The following COPG2 variants were observed in gnomAD, a reference collection of about 807,000 sequenced individuals.
The protein encoded by COPG2 is coat protein complex I subunit gamma 2, also known as coatomer subunit gamma-2.
In COPG2, 37 loss-of-function variants were observed where a neutral mutation model predicts 46.3. The observed-to-expected ratio is 0.80, with a 90% CI of 0.61 to 1.05. The LOEUF (loss-of-function observed/expected upper bound fraction) is 1.05, where lower values mean the gene tolerates loss of function less well. Among genes scored for constraint, COPG2 ranks in the 50% least tolerant of loss-of-function variants. The probability of loss-of-function intolerance (pLI) is 0.00; values close to 1 mark genes in which losing one functional copy is unlikely to be tolerated. For missense variants in COPG2, 427 were observed against 387.8 expected (o/e 1.10, Z -0.85); for synonymous variants, 159 against 129.7 (o/e 1.23, Z -1.53).
At chr7:130,531,808 G>A (rs1799828701) in intron 20 of COPG2, among the ~76,000 whole-genome samples, 1 of 135,196 alleles carries the variant, frequency 7.4e-6, no homozygotes, top group African/African-American at 2.8e-5. Context: ...AGTCAAGGTG[G>A]CCGTCCACAG....
At chr7:130,530,774 T>A (rs1201669800) in intron 20 of COPG2, among the ~76,000 whole-genome samples, 1 of 150,738 alleles carries the variant, frequency 6.6e-6, no homozygotes, top group African/African-American at 2.4e-5. Flanking sequence ...ACAGACAGGG[T>A]GGAGGGGCCC....
At chr7:130,508,072 C>T (rs1252801534) in intron 21 of COPG2, 1 of 420,294 alleles carries the variant, frequency 2.4e-6, no homozygotes, top group Non-Finnish European at 4.2e-6. Context: ...TGCACCCACA[C>T]TTGACCACTG....
At chr7:130,539,005 GTGCTGA>G (rs2116368334) in intron 20 of COPG2, among the ~76,000 whole-genome samples, 1 of 152,272 alleles carries the variant, frequency 6.6e-6, no homozygotes, top group East Asian at 1.9e-4. Flanking sequence ...GAAGGTTTGG[GTGCTGA>G]TACGGGGGCT....
At position 130,537,748 on chromosome 7, in the gene COPG2, G is replaced by A. The variant is rs999824147; in HGVS notation, c.2149+9926C>T. 1.3e-4 allele frequency among the ~76,000 whole-genome samples: 20 copies of A among 152,350 alleles called. No homozygotes were observed. The East Asian group carries it at 2.1e-3, about 16-fold the overall frequency. On this transcript the variant is annotated intron_variant, in intron 20 of 23. Transcript: ENST00000425248. ...CAAGAGCAAGAGTGTGGGTGTGAAC[G>A]TAGAGAATCCTCCTTTTTGCCCAAA...
chr7:130,513,836 C>G (rs531153399), intron 20 of COPG2, among the ~76,000 whole-genome samples: 11 of 152,230 alleles, frequency 7.2e-5, no homozygotes, highest in Admixed American at 2.6e-4. Context: ...AGTTGTTCTA[C>G]TAGGGTCAAC....
chr7:130,513,290 T>TTAAAAA (rs1331715291), intron 20 of COPG2, among the ~76,000 whole-genome samples: 1 of 20,292 alleles, frequency 4.9e-5, no homozygotes. Flanking sequence ...TAATTCTGTC[T>TTAAAAA]AAAAAAAAAA....
intron 6 of COPG2, among the ~76,000 whole-genome samples, chr7:130,614,795 T>G (rs1554452630): frequency 6.6e-6 from 1 of 152,188 alleles, no homozygotes; most frequent in Non-Finnish European, 1.5e-5. Flanking sequence ...CGGCCTGGTT[T>G]TAGAAAATAT....
intron 20 of COPG2, among the ~76,000 whole-genome samples, chr7:130,513,359 GTA>G (rs1159332493): frequency 0.016 from 568 of 36,564 alleles, 7 homozygotes; most frequent in African/African-American, 0.029. Context: ...GTGTGTGTGT[GTA>G]TATATATATA....
chr7:130,642,796 G>A (rs1015274794), intron 5 of COPG2, among the ~76,000 whole-genome samples: 8 of 152,178 alleles, frequency 5.3e-5, no homozygotes, highest in Non-Finnish European at 1.2e-4. Context: ...GCCAAGACGG[G>A]CAGATCACTT....
chr7:130,574,342 C>A lies in COPG2; in HGVS notation c.738-9949G>T, dbSNP rs1298832877. ...CTTTGGATGGCTGAGGCAGGTGGAT[C>A]ACCTGAGATCAGGAGTTCACATCAC... is the stretch of plus-strand genomic sequence containing the variant. On this transcript the variant is annotated intron_variant, in intron 9 of 23. Coordinates refer to ENST00000425248, the MANE Select transcript of COPG2 (RefSeq NM_012133.6). Among the ~76,000 whole-genome samples the A allele has an allele frequency of 2.6e-5, 4 of 152,278 alleles. No homozygotes were observed. In the South Asian group the frequency reaches 8.3e-4, roughly 32 times the overall value.
chr7:130,648,843 G>T (rs1178913687), intron 5 of COPG2, among the ~76,000 whole-genome samples: 1 of 152,084 alleles, frequency 6.6e-6, no homozygotes, highest in Non-Finnish European at 1.5e-5. Flanking sequence ...TAGTTTCATC[G>T]GCTTGTTTCC....
intron 12 of COPG2, among the ~76,000 whole-genome samples, 154 bp from the exon 13 acceptor site, chr7:130,555,286 A>G (rs1382263340): frequency 6.6e-6 from 1 of 152,236 alleles, no homozygotes; most frequent in East Asian, 1.9e-4. Flanking sequence ...GTTGCCTAAA[A>G]TGACAATAAT....
At chr7:130,638,903 T>C (rs1437931117) in intron 5 of COPG2, among the ~76,000 whole-genome samples, 3 of 152,300 alleles carry the variant, frequency 2.0e-5, no homozygotes, top group African/African-American at 4.8e-5. Flanking sequence ...TTGAAGACCA[T>C]GGGAAAAGCG....
chr7:130,664,867 A>G (rs1304585103), intron 3 of COPG2, among the ~76,000 whole-genome samples: 1 of 152,172 alleles, frequency 6.6e-6, no homozygotes, highest in Non-Finnish European at 1.5e-5. Context: ...GTTTGTGAAC[A>G]GATATATTTT....
At chr7:130,572,208 A>C (rs1793919070) in intron 9 of COPG2, among the ~76,000 whole-genome samples, 3 of 152,186 alleles carry the variant, frequency 2.0e-5, no homozygotes, top group Non-Finnish European at 4.4e-5. Flanking sequence ...TATCCATGTA[A>C]CCAAACACCA....
chr7:130,532,127 G>C (rs1357040039), intron 20 of COPG2, among the ~76,000 whole-genome samples: 1 of 152,216 alleles, frequency 6.6e-6, no homozygotes, highest in Non-Finnish European at 1.5e-5. Flanking sequence ...CAGCAGGGTT[G>C]ATGGAGGCAT....
intron 5 of COPG2, among the ~76,000 whole-genome samples, chr7:130,634,713 C>T (rs1554455835): frequency 6.6e-6 from 1 of 152,082 alleles, no homozygotes; most frequent in Non-Finnish European, 1.5e-5. Context: ...CTTTCTCTTG[C>T]TTAATAGCCC....
chr7:130,581,700 A>C (rs1442190839), intron 9 of COPG2, among the ~76,000 whole-genome samples: 2 of 124,184 alleles, frequency 1.6e-5, no homozygotes, highest in African/African-American at 5.7e-5. Flanking sequence ...TTATACACCA[A>C]CAACAGACAA....
chr7:130,620,156 A>G (rs541695784), intron 5 of COPG2, among the ~76,000 whole-genome samples: 1 of 152,250 alleles, frequency 6.6e-6, no homozygotes, highest in African/African-American at 2.4e-5. Flanking sequence ...CAGCAATGTC[A>G]AAAGTTTTGC....
Sources: gnomAD v4.1 joint callset for allele counts (sites outside exome capture counted in the v4.1 genomes callset) on GRCh38, gnomAD v4.1.1 for gene constraint, MANE v1.5 for transcripts, NCBI Gene and HGNC (gene_info 2026-07-23, HGNC 2026-07-21) for gene names.